Variants in ARHGAP21 observed in about 807,000 individuals in gnomAD.
ARHGAP21 encodes rho GTPase-activating protein 21.
A neutral mutation model predicts 164.6 loss-of-function variants in ARHGAP21; 38 were observed. The ratio of observed to expected loss-of-function variants is 0.23; its 90% CI spans 0.18 to 0.30. ARHGAP21 has a LOEUF of 0.30. ARHGAP21 is among the 10% of genes least tolerant of loss of function. ARHGAP21 has a pLI of 1.00. For synonymous variants in ARHGAP21, 766 were observed against 857.9 expected, an observed-to-expected ratio of 0.89 and a Z score of 1.87; for missense variants, 1,822 against 2,370.7, an observed-to-expected ratio of 0.77 and a Z score of 4.81.
At chr10:24,616,772 G>A (rs1337116507) in intron 9 of ARHGAP21, among the ~76,000 whole-genome samples, 3 of 152,154 alleles carry the variant, frequency 2.0e-5, no homozygotes, top group Admixed American at 1.3e-4. Flanking sequence ...GCTATTCACC[G>A]TGAGATTACT....
chr10:24,711,637 A>C (rs1197529905), intron 2 of ARHGAP21, among the ~76,000 whole-genome samples: 1 of 152,204 alleles, frequency 6.6e-6, no homozygotes, highest in African/African-American at 2.4e-5. Flanking sequence ...CAGCAACAAC[A>C]AAAACACGTG....
At chr10:24,626,819 C>G (rs547495688) in intron 7 of ARHGAP21, among the ~76,000 whole-genome samples, 1 of 152,064 alleles carries the variant, frequency 6.6e-6, no homozygotes, top group African/African-American at 2.4e-5. Flanking sequence ...AATATTACAA[C>G]AAAATACTGT....
chr10:24,639,041 T>C (rs773982181), intron 4 of ARHGAP21, among the ~76,000 whole-genome samples: 12 of 152,180 alleles, frequency 7.9e-5, no homozygotes, highest in Non-Finnish European at 1.5e-5. Context: ...ATATAGGTAG[T>C]AGCTGCCATC....
intron 4 of ARHGAP21, among the ~76,000 whole-genome samples, chr10:24,666,430 T>C (rs1398054324): frequency 6.6e-6 from 1 of 152,256 alleles, no homozygotes; most frequent in Non-Finnish European, 1.5e-5. Flanking sequence ...TAAAATTATC[T>C]AGAAATAAAA....
chr10:24,590,986 A>C, intron 24 of ARHGAP21: 1 of 884,486 alleles, frequency 1.1e-6, no homozygotes, highest in Non-Finnish European at 1.4e-6. Flanking sequence ...TTGCATGCTC[A>C]TTTCCCTCAT....
chr10:24,609,443 G>A (rs1347216607), intron 9 of ARHGAP21, among the ~76,000 whole-genome samples: 1 of 152,118 alleles, frequency 6.6e-6, no homozygotes, highest in African/African-American at 2.4e-5. Flanking sequence ...TTCTAAAGGA[G>A]GACTGAATGG....
At chr10:24,700,332 C>T (rs1327425296) in intron 2 of ARHGAP21, among the ~76,000 whole-genome samples, 2 of 152,096 alleles carry the variant, frequency 1.3e-5, no homozygotes, top group Non-Finnish European at 2.9e-5. Flanking sequence ...GCGCCGCAAG[C>T]ACGTGCAGAG....
At chr10:24,596,266 A>G (rs1252917090) in intron 17 of ARHGAP21, 2 of 460,462 alleles carry the variant, frequency 4.3e-6, no homozygotes, top group African/African-American at 4.1e-5. Flanking sequence ...GGACCCCCAG[A>G]GAGATAACAT....
At chr10:24,596,522 A>C in intron 17 of ARHGAP21, 1 of 618,908 alleles carries the variant, frequency 1.6e-6, no homozygotes, top group Admixed American at 3.7e-5. Context: ...AGACCATTTC[A>C]GACAAATTCC....
chr10:24,659,312 C>G (rs1161573315), intron 4 of ARHGAP21, among the ~76,000 whole-genome samples: 1 of 152,164 alleles, frequency 6.6e-6, no homozygotes, highest in African/African-American at 2.4e-5. Flanking sequence ...TTCAAAGGAA[C>G]AGAATCCTCT....
chr10:24,623,319 C>T (rs1042211665), intron 7 of ARHGAP21, among the ~76,000 whole-genome samples: 2 of 152,216 alleles, frequency 1.3e-5, no homozygotes, highest in African/African-American at 4.8e-5. Context: ...TCTTTCAACA[C>T]TGTGCCTTTT....
Position 24,585,138 on chromosome 10 carries a change from A to G in ARHGAP21, c.5151T>C (p.Ser1717=), listed in dbSNP as rs907648633. ...KSARFKSDSG[S]LGDAKNEKEA... ...CTTTCTCATTCTTGGCATCTCCTAG[A>G]CTTCCACTATCTGACTTGAATCTAG... The change falls in exon 26 of 26, where the codon AGT becomes AGC. Residue 1717 remains serine, a synonymous_variant. Transcript: ENST00000396432. 1 of 1,612,830 alleles carries G rather than the reference A, an allele frequency of 6.2e-7. No homozygotes were observed. Among genetic ancestry groups the G allele is most frequent in the East Asian group, 2.2e-5 (1 of 44,880 alleles).
intron 7 of ARHGAP21, among the ~76,000 whole-genome samples, chr10:24,623,993 T>C (rs1334614099): frequency 2.0e-5 from 3 of 152,196 alleles, no homozygotes; most frequent in Non-Finnish European, 4.4e-5. Flanking sequence ...AACTTGAGAA[T>C]ATTTTACATA....
At chr10:24,653,103 C>A (rs1021019039) in intron 4 of ARHGAP21, among the ~76,000 whole-genome samples, 6 of 152,080 alleles carry the variant, frequency 3.9e-5, no homozygotes, top group African/African-American at 1.2e-4. Flanking sequence ...ATAAAAAATA[C>A]CCATTTTAAG....
At chr10:24,613,104 T>A (rs2077339725) in intron 9 of ARHGAP21, among the ~76,000 whole-genome samples, 1 of 152,030 alleles carries the variant, frequency 6.6e-6, no homozygotes, top group Non-Finnish European at 1.5e-5. Context: ...TTGAACTCCC[T>A]AGGCAAATTT....
rs527968084 is a variant in ARHGAP21 at position 24,716,766 on chromosome 10, A to G, written c.63+5071T>C. ...ACTGAAGTGGAGAAATCAGTCAACC[A>G]GATCCACATGTCATATATGAGAAAA... On this transcript the variant is annotated intron_variant, in intron 2 of 25. Coordinates refer to ENST00000396432, the MANE Select transcript of ARHGAP21 (RefSeq NM_020824.4). Among the ~76,000 whole-genome samples the G allele has an allele frequency of 4.6e-5, 7 of 152,346 alleles. 1 individual carries two copies. The South Asian group carries it at 1.4e-3, about 32-fold the overall frequency.
intron 2 of ARHGAP21, among the ~76,000 whole-genome samples, chr10:24,719,652 G>C (rs767933817): frequency 4.6e-5 from 7 of 152,168 alleles, no homozygotes; most frequent in Non-Finnish European, 1.0e-4. Flanking sequence ...ATTTTTTAAA[G>C]AGTGATAGTA....
chr10:24,619,271 TA>T (rs375757415), intron 9 of ARHGAP21, among the ~76,000 whole-genome samples: 1 of 151,296 alleles, frequency 6.6e-6, no homozygotes, highest in Non-Finnish European at 1.5e-5. Context: ...GTTTTTTTTT[TA>T]AAAAAAGGAA....
chr10:24,635,034 G>C lies in ARHGAP21; in HGVS notation c.338C>G (p.Ala113Gly). 6.3e-7 allele frequency: 1 copy of C among 1,597,186 alleles called. No individual in the cohort carries two copies. The highest frequency in any genetic ancestry group is 8.5e-7 in the Non-Finnish European group (1 of 1,173,756). The change falls in exon 5 of 26, where the codon GCT becomes GGT. Residue 113 changes from alanine (A) to glycine (G), a missense_variant. This residue lies in a region of ARHGAP21 where 1,090 missense variants were observed against 1,378.9 expected (regional missense o/e 0.79). Coordinates refer to ENST00000396432, the MANE Select transcript of ARHGAP21 (RefSeq NM_020824.4). ...FVKQVKEGGPAFEAGLCTGDR... is the reference protein window; with the variant it reads ...FVKQVKEGGPGFEAGLCTGDR... Reference sequence around the variant, plus strand: ...ACCTGTACATAATCCAGCTTCAAAAGCAGGTCCTCCTTCTTTAACTTGCTT... The same window carrying C: ...ACCTGTACATAATCCAGCTTCAAAACCAGGTCCTCCTTCTTTAACTTGCTT...
Sources: allele counts gnomAD v4.1 joint callset (sites outside exome capture counted in the v4.1 genomes callset), GRCh38; gene constraint gnomAD v4.1.1; regional missense constraint gnomAD v4.1.1; transcripts MANE v1.5; gene names NCBI Gene and HGNC (gene_info 2026-07-23, HGNC 2026-07-21).